STEAP1B: variants seen among roughly 807,000 people sequenced by gnomAD.
STEAP1B encodes STEAP family member 1B.
In STEAP1B, 13 loss-of-function variants were observed where a neutral mutation model predicts 27.9. The ratio of observed to expected loss-of-function variants is 0.47; its 90% CI spans 0.30 to 0.74. The LOEUF (loss-of-function observed/expected upper bound fraction) is 0.74, where lower values mean the gene tolerates loss of function less well. Among genes scored for constraint, STEAP1B ranks in the 30% least tolerant of loss-of-function variants. STEAP1B has a pLI of 0.06. For missense variants in STEAP1B, 250 were observed against 298.7 expected (o/e 0.84, Z 1.20); for synonymous variants, 86 against 107.1 (o/e 0.80, Z 1.22).
chr7:22,475,757 C>T (rs58410712), intron 4 of STEAP1B, among the ~76,000 whole-genome samples: 227 of 152,342 alleles, frequency 1.5e-3, no homozygotes, highest in African/African-American at 4.8e-3. Context: ...GTCTGAGGAA[C>T]ATCTGAGTCC....
intron 4 of STEAP1B, among the ~76,000 whole-genome samples, chr7:22,475,285 C>T (rs574778473): frequency 2.6e-5 from 4 of 152,204 alleles, no homozygotes; most frequent in Admixed American, 6.5e-5. Flanking sequence ...CAGTCACATC[C>T]GCCTGGAGTC....
At chr7:22,490,162 TTTA>T (rs1216594179) in intron 4 of STEAP1B, among the ~76,000 whole-genome samples, 1 of 151,642 alleles carries the variant, frequency 6.6e-6, no homozygotes, top group Non-Finnish European at 1.5e-5. Context: ...GTGATTTTAT[TTTA>T]TTTTTAGAAA....
At chr7:22,441,619 A>G (rs868259569) in intron 4 of STEAP1B, among the ~76,000 whole-genome samples, 9 of 152,232 alleles carry the variant, frequency 5.9e-5, no homozygotes, top group African/African-American at 2.2e-4. Context: ...AGGATAGAAC[A>G]CATGGCCCCC....
At chr7:22,461,870 C>A (rs1785684110) in intron 4 of STEAP1B, among the ~76,000 whole-genome samples, 1 of 152,196 alleles carries the variant, frequency 6.6e-6, no homozygotes, top group Admixed American at 6.5e-5. Context: ...CCTCAGTTTT[C>A]TCACGTATAA....
rs140475788 is a variant in STEAP1B at position 22,480,318 on chromosome 7, A to C, written c.762+12247T>G. Among the ~76,000 whole-genome samples the C allele has an allele frequency of 3.9e-4, 59 of 152,274 alleles. 1 individual carries two copies. Among genetic ancestry groups the C allele is most frequent in the African/African-American group, 1.4e-3 (58 of 41,544 alleles). The stretch of plus-strand genomic sequence containing the variant: ...ACACAGCATTTTTCTTTCTTTTGAA[A>C]GCTTTAAGTGATTTGCTTCCTGAGG... On this transcript the variant is annotated intron_variant, in intron 4 of 4. Transcript: ENST00000678116.
chr7:22,499,254 C>G (rs1273789908), intron 1 of STEAP1B, among the ~76,000 whole-genome samples: 3 of 152,324 alleles, frequency 2.0e-5, no homozygotes, highest in Non-Finnish European at 1.5e-5. Context: ...ATGTTTATGT[C>G]CCGCAGTTGA....
chr7:22,469,065 A>G (rs1289303904), intron 4 of STEAP1B, among the ~76,000 whole-genome samples: 2 of 152,176 alleles, frequency 1.3e-5, no homozygotes, highest in African/African-American at 4.8e-5. Flanking sequence ...AGGAATTTTT[A>G]TCATGGGACA....
intron 4 of STEAP1B, among the ~76,000 whole-genome samples, chr7:22,437,440 T>C (rs1785269275): frequency 6.6e-6 from 1 of 152,278 alleles, no homozygotes; most frequent in East Asian, 1.9e-4. Flanking sequence ...GATTTCCTTC[T>C]TTCTTAAGAC....
At chr7:22,425,479 A>G (rs2128398768) in intron 4 of STEAP1B, among the ~76,000 whole-genome samples, 1 of 152,312 alleles carries the variant, frequency 6.6e-6, no homozygotes, top group South Asian at 2.1e-4. Context: ...AATGAGACAA[A>G]TAAGGTTCAT....
At position 22,492,745 on chromosome 7, in the gene STEAP1B, T is replaced by G. The variant is rs769421013; in HGVS notation, c.598-16A>C. On this transcript the variant is annotated splice_polypyrimidine_tract_variant and intron_variant, in intron 3 of 4. Coordinates refer to ENST00000678116, the MANE Select transcript of STEAP1B (RefSeq NM_001382447.1). Reference sequence around the variant, plus strand: ...TTTGTTGGACCTACCAGAAGGTAAATAAAGAAAGAAGAAATGCAAACAACA... The same window carrying G: ...TTTGTTGGACCTACCAGAAGGTAAAGAAAGAAAGAAGAAATGCAAACAACA... The G allele has an allele frequency of 1.6e-5, 25 of 1,575,288 alleles. No homozygotes were observed. Among genetic ancestry groups the G allele is most frequent in the East Asian group, 9.0e-5 (4 of 44,600 alleles).
Position 22,419,828 on chromosome 7 carries a change from A to G in STEAP1B, c.771T>C (p.Gly257=), listed in dbSNP as rs1394472613. 2 of 1,549,952 alleles carry G rather than the reference A, an allele frequency of 1.3e-6. No individual in the cohort carries two copies. The highest frequency in any genetic ancestry group is 3.9e-5 in the Admixed American group (2 of 50,794). Residue 257 remains glycine (G), a synonymous_variant, in exon 5 of 5, where the codon GGT becomes GGC. Transcript: ENST00000678116. Reference sequence around the variant, plus strand: ...GTCACAAGGTCAGGAAGTTGATCCTACCATGTACCTGGAAGGCAGACAGCA... The same window carrying G: ...GTCACAAGGTCAGGAAGTTGATCCTGCCATGTACCTGGAAGGCAGACAGCA... The part of the protein sequence containing the change: ...WREFHYIQVH[G]RINFLTL
At chr7:22,438,386 G>T in intron 4 of STEAP1B, 1 of 1,286,986 alleles carries the variant, frequency 7.8e-7, no homozygotes, top group Non-Finnish European at 1.0e-6. Context: ...ATTGGAGTAA[G>T]TTTGGTAGAT....
chr7:22,464,408 T>G (rs533353116), intron 4 of STEAP1B, among the ~76,000 whole-genome samples: 3 of 152,342 alleles, frequency 2.0e-5, no homozygotes, highest in South Asian at 4.1e-4. Context: ...GTCCTACATC[T>G]GGCTGGGGAC....
chr7:22,487,273 T>C (rs1345827763), intron 4 of STEAP1B, among the ~76,000 whole-genome samples: 1 of 152,090 alleles, frequency 6.6e-6, no homozygotes, highest in African/African-American at 2.4e-5. Context: ...TACTCCAGCC[T>C]GGGTGACAGA....
chr7:22,494,955 TA>T (rs908180946), intron 1 of STEAP1B, 69 bp from the exon 2 acceptor site: 4 of 819,342 alleles, frequency 4.9e-6, no homozygotes, highest in Non-Finnish European at 7.3e-6. Flanking sequence ...TGTAACAATA[TA>T]AAAAATTTAC....
chr7:22,450,720 T>A (rs1785473870), intron 4 of STEAP1B, among the ~76,000 whole-genome samples: 1 of 151,938 alleles, frequency 6.6e-6, no homozygotes, highest in African/African-American at 2.4e-5. Flanking sequence ...TTAAATTAAA[T>A]CTGTACACTG....
At chr7:22,461,086 T>C (rs1425692044) in intron 4 of STEAP1B, among the ~76,000 whole-genome samples, 4 of 152,250 alleles carry the variant, frequency 2.6e-5, no homozygotes, top group East Asian at 3.9e-4. Context: ...GCTAGCTGTG[T>C]TGGATTGCTC....
intron 4 of STEAP1B, among the ~76,000 whole-genome samples, chr7:22,464,280 G>C (rs1355601706): frequency 6.6e-6 from 1 of 152,156 alleles, no homozygotes; most frequent in East Asian, 1.9e-4. Flanking sequence ...AGTGAATTTG[G>C]AGACCTCAGG....
At position 22,419,845 on chromosome 7, in the gene STEAP1B, C is replaced by G; in HGVS notation, c.763-9G>C. ...TTGATCCTACCATGTACCTGGAAGG[C>G]AGACAGCAAGAAAGAGTTGATGTAT... On this transcript the variant is annotated splice_polypyrimidine_tract_variant and intron_variant, in intron 4 of 4. Transcript: ENST00000678116. 6.5e-7 allele frequency: 1 copy of G among 1,549,316 alleles called. No homozygotes were observed. Among genetic ancestry groups the G allele is most frequent in the Non-Finnish European group, 8.7e-7 (1 of 1,145,538 alleles).
Sources: gnomAD v4.1 joint callset for allele counts (sites outside exome capture counted in the v4.1 genomes callset) on GRCh38, gnomAD v4.1.1 for gene constraint, MANE v1.5 for transcripts, NCBI Gene and HGNC (gene_info 2026-07-23, HGNC 2026-07-21) for gene names.